EEA1: variants seen among roughly 807,000 people sequenced by gnomAD.
EEA1 encodes early endosome antigen 1, also known as early endosome antigen 1, 162kD.
EEA1 carries 111 observed loss-of-function variants against 209.2 expected under a neutral mutation model. The ratio of observed to expected loss-of-function variants is 0.53; its 90% CI spans 0.45 to 0.62. The LOEUF (loss-of-function observed/expected upper bound fraction) is 0.62, where lower values mean the gene tolerates loss of function less well. EEA1 is among the 20% of genes least tolerant of loss of function. The pLI, the probability that EEA1 is intolerant of heterozygous loss-of-function variation, is 0.00. For synonymous variants in EEA1, 536 were observed against 540.6 expected (o/e 0.99, Z 0.12); for missense variants, 1,343 against 1,530.8 (o/e 0.88, Z 2.05).
At chr12:92,837,992 G>T (rs1877003251) in intron 10 of EEA1, among the ~76,000 whole-genome samples, 1 of 152,194 alleles carries the variant, frequency 6.6e-6, no homozygotes, top group Non-Finnish European at 1.5e-5. Flanking sequence ...AAAGGCAGAT[G>T]CAACTGTGGG....
Position 92,819,361 on chromosome 12 carries a change from C to G in EEA1, c.1675G>C (p.Glu559Gln). 6.2e-7 allele frequency: 1 copy of G among 1,612,932 alleles called. No individual in the cohort carries two copies. Among genetic ancestry groups the G allele is most frequent in the Non-Finnish European group, 8.5e-7 (1 of 1,179,436 alleles). ...LYAKIQAGEG[E>Q]TAVLNQLQEK... ...TGTAACTGGTTAAGAACAGCAGTCT[C>G]TCCTTCACCAGCCTGAATTTTTGCA... The change falls in exon 14 of 29, where the codon GAG (glutamate) becomes CAG (glutamine). Residue 559 changes from glutamate (E) to glutamine (Q), a missense_variant. Coordinates refer to ENST00000322349, the MANE Select transcript of EEA1 (RefSeq NM_003566.4).
At chr12:92,855,378 C>G (rs1179072072) in intron 5 of EEA1, among the ~76,000 whole-genome samples, 1 of 150,164 alleles carries the variant, frequency 6.7e-6, no homozygotes, top group Non-Finnish European at 1.5e-5. Context: ...TGCAGTGAGC[C>G]GAGATCGCGC....
In EEA1 at chr12:92,857,355, T is replaced by A; in HGVS notation, c.301-15A>T. 5.1e-6 allele frequency: 8 copies of A among 1,568,114 alleles called. No homozygotes were observed. The highest frequency in any genetic ancestry group is 6.9e-6 in the Non-Finnish European group (8 of 1,159,384). ...CATTTTTCTTCCTAATAAAAAAGAT[T>A]TTTAATTAGTAAATTTAAAAAGAGG... is the stretch of plus-strand genomic sequence containing the variant. On this transcript the variant is annotated splice_polypyrimidine_tract_variant and intron_variant, in intron 4 of 28. Coordinates refer to ENST00000322349, the MANE Select transcript of EEA1 (RefSeq NM_003566.4).
chr12:92,828,791 G>A (rs1221111994), intron 11 of EEA1, among the ~76,000 whole-genome samples: 3 of 151,646 alleles, frequency 2.0e-5, no homozygotes, highest in South Asian at 2.1e-4. Context: ...CCACTAGTTC[G>A]CTCTCACTAA....
At chr12:92,805,049 TG>T (rs1474449408) in intron 18 of EEA1, among the ~76,000 whole-genome samples, 2 of 152,112 alleles carry the variant, frequency 1.3e-5, no homozygotes, top group East Asian at 3.9e-4. Context: ...AGAATGAAAA[TG>T]GGTCCACTTC....
chr12:92,915,502 A>T (rs913596614), intron 1 of EEA1, among the ~76,000 whole-genome samples: 1 of 152,130 alleles, frequency 6.6e-6, no homozygotes, highest in African/African-American at 2.4e-5. Context: ...AAAACAAAAA[A>T]AGCTGGAAGG....
At chr12:92,833,426 T>C (rs763329380) in intron 10 of EEA1, among the ~76,000 whole-genome samples, 1 of 152,160 alleles carries the variant, frequency 6.6e-6, no homozygotes, top group Non-Finnish European at 1.5e-5. Flanking sequence ...CTGCCTTAAA[T>C]TTTGTCATTT....
At chr12:92,886,648 G>A (rs1420112035) in intron 2 of EEA1, among the ~76,000 whole-genome samples, 1 of 128,968 alleles carries the variant, frequency 7.8e-6, no homozygotes, top group African/African-American at 2.9e-5. Context: ...AAGGGGGAAG[G>A]GGAGAAGGGG....
In EEA1 at chr12:92,851,634, CAT is replaced by C. The variant is rs561102901; in HGVS notation, c.643-370_643-369del. On this transcript the variant is annotated intron_variant, in intron 8 of 28. Transcript: ENST00000322349. ...ATAAAAATGAAGGAGCAAATGAAAG[CAT>C]AGAGTTTGCTCCAGGTTGGATGTAG... Among the ~76,000 whole-genome samples the C allele has an allele frequency of 2.8e-3, 427 of 152,124 alleles. 3 individuals carry two copies. The highest frequency in any genetic ancestry group is 9.9e-3 in the African/African-American group (411 of 41,500).
chr12:92,777,672 G>C lies in EEA1; in HGVS notation c.3894-9C>G. The C allele has an allele frequency of 6.2e-7, 1 of 1,608,536 alleles. No individual in the cohort carries two copies. Among genetic ancestry groups the C allele is most frequent in the South Asian group, 1.1e-5 (1 of 90,472 alleles). ...CTTCTCCTTTAAGACATCTGGAATA[G>C]ATTGCAAAGAGGTAATTAATTTTTT... On this transcript the variant is annotated splice_polypyrimidine_tract_variant and intron_variant, in intron 26 of 28. Coordinates refer to ENST00000322349, the MANE Select transcript of EEA1 (RefSeq NM_003566.4).
At chr12:92,888,100 G>A (rs1426553588) in intron 2 of EEA1, among the ~76,000 whole-genome samples, 2 of 151,988 alleles carry the variant, frequency 1.3e-5, no homozygotes, top group South Asian at 2.1e-4. Context: ...CAGTAACAAT[G>A]TGACCCAGAA....
intron 1 of EEA1, among the ~76,000 whole-genome samples, chr12:92,915,904 CTTAAG>C (rs1047223826): frequency 2.6e-5 from 4 of 152,100 alleles, no homozygotes; most frequent in African/African-American, 9.7e-5. Context: ...AATTCTAAAA[CTTAAG>C]TTATTAGTTA....
chr12:92,819,258 TAGAG>T lies in EEA1; in HGVS notation c.1728+46_1728+49del, dbSNP rs762527271. On this transcript the variant is annotated intron_variant, in intron 14 of 28. Coordinates refer to ENST00000322349, the MANE Select transcript of EEA1 (RefSeq NM_003566.4). ...TTTAAATAAAGCACTTAGTAAGACTTAGAGAGACAGAAGTAAATTTTACAAATAT... is the reference window on the plus strand; with the variant it reads ...TTTAAATAAAGCACTTAGTAAGACTTAGACAGAAGTAAATTTTACAAATAT... The T allele has an allele frequency of 8.5e-4, 1,224 of 1,437,116 alleles. 1 individual carries two copies. The highest frequency in any genetic ancestry group is 1.1e-3 in the Non-Finnish European group (1,156 of 1,056,592). The allele number at this position is 1,437,116 out of a possible 1,614,324, so 89.0% of individuals were successfully genotyped here. A position where few individuals can be genotyped will look rare whatever the true frequency, so the allele number is the denominator to read the frequency against.
intron 9 of EEA1, among the ~76,000 whole-genome samples, chr12:92,845,382 T>A (rs1877347752): frequency 6.6e-6 from 1 of 151,990 alleles, no homozygotes. Flanking sequence ...GGGGAAAAAA[T>A]AAAGATTAAA....
intron 1 of EEA1, among the ~76,000 whole-genome samples, chr12:92,916,333 T>C (rs555057985): frequency 2.5e-4 from 38 of 152,168 alleles, no homozygotes; most frequent in Admixed American, 2.2e-3. Context: ...CTGTGGATCA[T>C]GCTCAAAATC....
chr12:92,782,488 A>C (rs2136651107), intron 22 of EEA1, among the ~76,000 whole-genome samples: 1 of 152,334 alleles, frequency 6.6e-6, no homozygotes, highest in East Asian at 1.9e-4. Flanking sequence ...AGATACACTC[A>C]GAGAACATAT....
chr12:92,909,696 G>T (rs115280505), intron 1 of EEA1, among the ~76,000 whole-genome samples: 234 of 152,352 alleles, frequency 1.5e-3, no homozygotes, highest in African/African-American at 5.6e-3. Context: ...ACATGGATCA[G>T]TTATCATGGG....
chr12:92,902,853 G>A (rs1880209723), intron 1 of EEA1, among the ~76,000 whole-genome samples: 1 of 151,278 alleles, frequency 6.6e-6, no homozygotes, highest in Non-Finnish European at 1.5e-5. Flanking sequence ...AGCATTATTT[G>A]TAACAGCTTA....
chr12:92,781,874 T>C, intron 23 of EEA1, 76 bp downstream of exon 23: 1 of 1,359,700 alleles, frequency 7.4e-7, no homozygotes, highest in Non-Finnish European at 1.0e-6. Context: ...CTGTACTAAA[T>C]AAGAGGTTTG....
Sources: gnomAD v4.1 joint callset for allele counts (sites outside exome capture counted in the v4.1 genomes callset) on GRCh38, gnomAD v4.1.1 for gene constraint, MANE v1.5 for transcripts, NCBI Gene and HGNC (gene_info 2026-07-23, HGNC 2026-07-21) for gene names.